TAFA1: variants seen among roughly 807,000 people sequenced by gnomAD.
The protein encoded by TAFA1 is TAFA chemokine like family member 1.
A neutral mutation model predicts 18.5 loss-of-function variants in TAFA1; 4 were observed. The observed-to-expected ratio is 0.22, with a 90% CI of 0.11 to 0.49. The LOEUF (loss-of-function observed/expected upper bound fraction) is 0.49. TAFA1 is among the 20% of genes least tolerant of loss of function. TAFA1 has a pLI of 0.98. For synonymous variants in TAFA1, 56 were observed against 55.2 expected (o/e 1.01, Z -0.06); for missense variants, 147 against 169.0 (o/e 0.87, Z 0.72).
chr3:68,375,300 T>C (rs1575815176), intron 2 of TAFA1, among the ~76,000 whole-genome samples: 2 of 152,212 alleles, frequency 1.3e-5, no homozygotes, highest in East Asian at 3.8e-4. Flanking sequence ...ACAATATCTC[T>C]CAGGACTTTT....
chr3:68,347,216 C>T (rs138386065), intron 2 of TAFA1, among the ~76,000 whole-genome samples: 29 of 152,260 alleles, frequency 1.9e-4, no homozygotes, highest in East Asian at 1.9e-4. Context: ...TAACATACTC[C>T]GCAAATACTA....
intron 3 of TAFA1, among the ~76,000 whole-genome samples, chr3:68,510,997 A>G (rs2072837646): frequency 6.6e-6 from 1 of 152,148 alleles, no homozygotes; most frequent in East Asian, 1.9e-4. Context: ...GTTCTTGCTT[A>G]TTCAAAAGTA....
chr3:68,370,671 G>A (rs1457120657), intron 2 of TAFA1, among the ~76,000 whole-genome samples: 1 of 148,598 alleles, frequency 6.7e-6, no homozygotes, highest in East Asian at 2.0e-4. Flanking sequence ...AAAATCTTAT[G>A]AGAATTAGAA....
At chr3:67,994,681 T>G in the TAFA1 span, among the ~76,000 whole-genome samples, 13 of 152,218 alleles carry the variant, frequency 8.5e-5, no homozygotes, top group African/African-American at 2.9e-4. Context: ...TCTGAAAATA[T>G]CAGTTAATGA....
chr3:68,190,760 T>C (rs1280674514), intron 2 of TAFA1, among the ~76,000 whole-genome samples: 3 of 151,828 alleles, frequency 2.0e-5, no homozygotes, highest in African/African-American at 7.2e-5. Context: ...GCTGTTAAGT[T>C]TTTTTTCTTA....
At chr3:68,309,911 G>A (rs2068486720) in intron 2 of TAFA1, among the ~76,000 whole-genome samples, 1 of 152,174 alleles carries the variant, frequency 6.6e-6, no homozygotes, top group African/African-American at 2.4e-5. Flanking sequence ...CAGTGGGAAG[G>A]AGGAAGTTTG....
chr3:68,130,340 AG>A (rs2065521504), intron 2 of TAFA1, among the ~76,000 whole-genome samples: 1 of 152,202 alleles, frequency 6.6e-6, no homozygotes, highest in African/African-American at 2.4e-5. Flanking sequence ...GGGGCAGTGG[AG>A]CCTTTGGGTA....
At chr3:68,540,927 G>T (rs2073362562) in intron 4 of TAFA1, among the ~76,000 whole-genome samples, 1 of 152,132 alleles carries the variant, frequency 6.6e-6, no homozygotes, top group Non-Finnish European at 1.5e-5. Context: ...AACAACACAG[G>T]AGTATTGTGC....
chr3:68,427,608 A>G (rs1281895576), intron 3 of TAFA1, among the ~76,000 whole-genome samples: 1 of 151,814 alleles, frequency 6.6e-6, no homozygotes, highest in Admixed American at 6.6e-5. Context: ...AATGATATAT[A>G]TGTTCCTCCA....
At chr3:68,045,007 CT>C (rs1327873800) in intron 2 of TAFA1, among the ~76,000 whole-genome samples, 1 of 152,144 alleles carries the variant, frequency 6.6e-6, no homozygotes, top group African/African-American at 2.4e-5. Context: ...TTCTGCAGGC[CT>C]CTGTGGGTTG....
At chr3:68,520,867 G>A (rs954753070) in intron 3 of TAFA1, among the ~76,000 whole-genome samples, 42 of 152,278 alleles carry the variant, frequency 2.8e-4, no homozygotes, top group Non-Finnish European at 2.4e-4. Flanking sequence ...CTAGAAAATA[G>A]CAGCAATCTG....
chr3:68,439,006 G>T (rs760367012), intron 3 of TAFA1, among the ~76,000 whole-genome samples: 12 of 152,178 alleles, frequency 7.9e-5, no homozygotes, highest in South Asian at 4.2e-4. Flanking sequence ...GGGAGCAGCA[G>T]CCTCAAAGAT....
chr3:68,035,178 A>G (rs1056653332), intron 2 of TAFA1, among the ~76,000 whole-genome samples: 1 of 152,184 alleles, frequency 6.6e-6, no homozygotes, highest in African/African-American at 2.4e-5. Context: ...TATGATCTAT[A>G]ATTAGACTTT....
intron 2 of TAFA1, among the ~76,000 whole-genome samples, chr3:68,008,584 G>A (rs896236269): frequency 1.3e-5 from 2 of 152,116 alleles, no homozygotes; most frequent in African/African-American, 2.4e-5. Flanking sequence ...GCTGCCATTG[G>A]AGGTCAAATC....
chr3:68,496,676 A>G (rs576003726), intron 3 of TAFA1, among the ~76,000 whole-genome samples: 20 of 152,282 alleles, frequency 1.3e-4, no homozygotes, highest in African/African-American at 4.8e-4. Flanking sequence ...GTTGTCAAGC[A>G]CAGTGGTTAA....
chr3:68,319,990 AATTTTACCTGAAT>A (rs1440183139), intron 2 of TAFA1, among the ~76,000 whole-genome samples: 14 of 152,182 alleles, frequency 9.2e-5, no homozygotes, highest in Non-Finnish European at 1.6e-4. Flanking sequence ...CTAAAATGAT[AATTTTACCTGAAT>A]ATTTTATGTG....
chr3:68,480,956 G>T (rs768263363), intron 3 of TAFA1, among the ~76,000 whole-genome samples: 21 of 152,106 alleles, frequency 1.4e-4, no homozygotes, highest in Non-Finnish European at 2.6e-4. Flanking sequence ...CGTTTTGCTT[G>T]GTTCTCTCGT....
At chr3:68,472,503 T>TAC (rs144677943) in intron 3 of TAFA1, among the ~76,000 whole-genome samples, 8,401 of 141,142 alleles carry the variant, frequency 0.06, 253 homozygotes, top group Middle Eastern at 0.11. Flanking sequence ...TAGAACTAAA[T>TAC]ACACACACAC....
intron 2 of TAFA1, among the ~76,000 whole-genome samples, chr3:68,052,301 A>G (rs2106705376): frequency 6.6e-6 from 1 of 152,232 alleles, no homozygotes; most frequent in East Asian, 1.9e-4. Flanking sequence ...CAATGGCCCT[A>G]AACAGGCCAT....
Sources: allele counts gnomAD v4.1 joint callset (sites outside exome capture counted in the v4.1 genomes callset), GRCh38; gene constraint gnomAD v4.1.1; transcripts MANE v1.5; gene names NCBI Gene and HGNC (gene_info 2026-07-23, HGNC 2026-07-21).